The following SLC25A31 variants were observed in gnomAD, a reference collection of about 807,000 sequenced individuals.
SLC25A31 encodes solute carrier family 25 member 31, also known as ADP/ATP translocase 4.
SLC25A31 carries 40 observed loss-of-function variants against 36.2 expected under a neutral mutation model. The observed-to-expected ratio is 1.10, with a 90% confidence interval of 0.86 to 1.44. SLC25A31 has a LOEUF of 1.44. Among genes scored for constraint, SLC25A31 ranks in the 40% most tolerant of loss-of-function variants. The pLI is 0.00. For missense variants in SLC25A31, 350 were observed against 397.1 expected (o/e 0.88, Z 1.01); for synonymous variants, 143 against 149.7 (o/e 0.96, Z 0.32).
chr4:127,772,786 CT>C (rs750539361), intron 5 of SLC25A31, among the ~76,000 whole-genome samples: 89 of 131,376 alleles, frequency 6.8e-4, no homozygotes, highest in East Asian at 4.4e-3. Context: ...TTTTTTTTTT[CT>C]TTTTTTTTTT....
In SLC25A31 at chr4:127,751,415, A is replaced by G. The variant is rs575021868; in HGVS notation, c.360+6616A>G. ...TCCCTTCCTTACACCTTATACAAAA[A>G]TTAATTCAAGATGGATTAAAGACTT... On this transcript the variant is annotated intron_variant, in intron 2 of 5. Transcript: ENST00000281154. Among the ~76,000 whole-genome samples, 581 of 152,342 alleles carry G rather than the reference A, an allele frequency of 3.8e-3. 3 individuals carry two copies. The highest frequency in any genetic ancestry group is 6.8e-3 in the Middle Eastern group (2 of 294).
chr4:127,756,258 T>C (rs1221115141), intron 2 of SLC25A31, among the ~76,000 whole-genome samples: 1 of 152,170 alleles, frequency 6.6e-6, no homozygotes, highest in Non-Finnish European at 1.5e-5. Flanking sequence ...TACTCAGCCT[T>C]ATAGAAGACA....
chr4:127,757,113 G>A (rs1162631631), intron 2 of SLC25A31, among the ~76,000 whole-genome samples: 1 of 152,136 alleles, frequency 6.6e-6, no homozygotes, highest in Non-Finnish European at 1.5e-5. Flanking sequence ...CACATCACAG[G>A]ATATTACTCA....
chr4:127,763,502 G>T (rs766090807), intron 2 of SLC25A31, among the ~76,000 whole-genome samples: 1 of 152,084 alleles, frequency 6.6e-6, no homozygotes, highest in Non-Finnish European at 1.5e-5. Flanking sequence ...CTTTCTTCTC[G>T]CATAAGCACT....
intron 1 of SLC25A31, among the ~76,000 whole-genome samples, chr4:127,733,062 T>C (rs955114801): frequency 3.9e-5 from 6 of 152,224 alleles, no homozygotes; most frequent in African/African-American, 1.4e-4. Flanking sequence ...TCTCTAAGCC[T>C]AGAAATAACT....
rs757295302 is a variant in SLC25A31, at chr4:127,773,599, A to G, written c.*25A>G. ...ATCGGGAGAGTAAATTAAGAAATAC[A>G]TGGATTTAACTTGTTAAACATACAA... On this transcript the variant is annotated 3_prime_UTR_variant, in exon 6 of 6. Transcript: ENST00000281154. 4 of 1,523,130 alleles carry G rather than the reference A, an allele frequency of 2.6e-6. No individual in the cohort carries two copies. The highest frequency in any genetic ancestry group is 2.6e-5 in the South Asian group (2 of 77,512). The allele number at this position is 1,523,130 out of a possible 1,614,324, so 94.4% of individuals were successfully genotyped here.
chr4:127,766,439 T>C (rs571090369), intron 3 of SLC25A31, among the ~76,000 whole-genome samples: 2 of 151,844 alleles, frequency 1.3e-5, no homozygotes, highest in Admixed American at 1.3e-4. Flanking sequence ...GTGCTGGGAT[T>C]ACAGGCATGA....
rs555215338 is a variant in SLC25A31, at chr4:127,773,480, T to A, written c.854T>A (p.Phe285Tyr). The part of the protein sequence containing the change: ...EGISSFFRGA[F>Y]SNVLRGTGGA... ...ATCAGTTCCTTTTTTCGTGGCGCCT[T>A]CTCCAATGTTCTTCGCGGTACAGGG... is the stretch of plus-strand genomic sequence containing the variant. Residue 285 changes from phenylalanine to tyrosine, a missense_variant, in exon 6 of 6, where the codon TTC becomes TAC. Physicochemically the swap from Phe to Tyr is conservative, Grantham distance 22 (BLOSUM62 3). Coordinates refer to ENST00000281154, the MANE Select transcript of SLC25A31 (RefSeq NM_031291.4). The A allele has an allele frequency of 6.2e-7, 1 of 1,614,124 alleles. No homozygotes were observed. The highest frequency in any genetic ancestry group is 1.3e-5 in the African/African-American group (1 of 75,048).
intron 2 of SLC25A31, among the ~76,000 whole-genome samples, chr4:127,746,025 T>G (rs1731820195): frequency 6.6e-6 from 1 of 152,166 alleles, no homozygotes; most frequent in African/African-American, 2.4e-5. Flanking sequence ...TTCTCATCAT[T>G]TAGCTCCCAC....
intron 2 of SLC25A31, among the ~76,000 whole-genome samples, chr4:127,760,077 G>T (rs144507163): frequency 6.6e-6 from 1 of 152,128 alleles, no homozygotes; most frequent in African/African-American, 2.4e-5. Flanking sequence ...ACAAAACTGC[G>T]TGTCACTGAA....
In SLC25A31 at chr4:127,761,886, C is replaced by T. The variant is rs187205913; in HGVS notation, c.361-2357C>T. On this transcript the variant is annotated intron_variant, in intron 2 of 5. Coordinates refer to ENST00000281154, the MANE Select transcript of SLC25A31 (RefSeq NM_031291.4). ...AGTTCCCAAGAAAGAGGCTCTGGCC[C>T]AGCTCATCTTTTTCTACCAGGTTAC... Among the ~76,000 whole-genome samples the T allele has an allele frequency of 7.9e-5, 12 of 152,240 alleles. No homozygotes were observed. In the East Asian group the frequency reaches 2.3e-3, roughly 29 times the overall value.
chr4:127,752,350 A>G (rs1290990243), intron 2 of SLC25A31, among the ~76,000 whole-genome samples: 2 of 151,650 alleles, frequency 1.3e-5, no homozygotes, highest in Non-Finnish European at 2.9e-5. Context: ...GTTCTCACTC[A>G]TAGGTGGGAA....
At chr4:127,757,746 A>G (rs1364644083) in intron 2 of SLC25A31, among the ~76,000 whole-genome samples, 1 of 152,206 alleles carries the variant, frequency 6.6e-6, no homozygotes, top group African/African-American at 2.4e-5. Flanking sequence ...ATTCCCACCA[A>G]CAATGTATAA....
Position 127,744,709 on chromosome 4 carries a change from T to C in SLC25A31, c.270T>C (p.Val90=). 6.2e-7 allele frequency: 1 copy of C among 1,605,792 alleles called. No homozygotes were observed. ...FSFWRGNLAN[V]IRYFPTQALN... is the part of the protein sequence containing the mutation. ...TTTGGCGTGGCAATTTGGCAAATGT[T>C]ATTCGGTATTTTCCAACACAAGCTC... The change falls in exon 2 of 6, where the codon GTT becomes GTC. Residue 90 remains valine (V), a synonymous_variant. Transcript: ENST00000281154.
intron 2 of SLC25A31, among the ~76,000 whole-genome samples, chr4:127,760,136 G>A (rs1481493118): frequency 6.6e-6 from 1 of 152,130 alleles, no homozygotes; most frequent in Non-Finnish European, 1.5e-5. Flanking sequence ...GAATAGGGTA[G>A]GCCTTATCAT....
chr4:127,760,911 C>T (rs1479820950), intron 2 of SLC25A31, among the ~76,000 whole-genome samples: 5 of 152,090 alleles, frequency 3.3e-5, no homozygotes, highest in Non-Finnish European at 5.9e-5. Context: ...TGGTGGCGGG[C>T]GCCTGTAGTC....
intron 5 of SLC25A31, among the ~76,000 whole-genome samples, chr4:127,770,000 T>G (rs974044233): frequency 6.6e-6 from 1 of 152,244 alleles, no homozygotes; most frequent in Non-Finnish European, 1.5e-5. Flanking sequence ...GTACTTTTAC[T>G]CATTAAATTC....
rs140770764 is a variant in SLC25A31, at chr4:127,745,097, G to T, written c.360+298G>T. Among the ~76,000 whole-genome samples the T allele has an allele frequency of 3.7e-3, 559 of 152,154 alleles. 3 individuals are homozygous for T. Among genetic ancestry groups the T allele is most frequent in the Non-Finnish European group, 5.2e-3 (354 of 67,964 alleles). ...CACTGTTTTGCGCTGGGGAAACATG[G>T]CATTTTGTCTGCTTATTTTAAGCGC... On this transcript the variant is annotated intron_variant, in intron 2 of 5. Coordinates refer to ENST00000281154, the MANE Select transcript of SLC25A31 (RefSeq NM_031291.4).
chr4:127,744,851 C>A, intron 2 of SLC25A31, 52 bp downstream of exon 2: 3 of 1,274,288 alleles, frequency 2.4e-6, no homozygotes, highest in Non-Finnish European at 2.1e-6. Flanking sequence ...ATTTTCCATC[C>A]AATATAAATT....
Sources: gnomAD v4.1 joint callset for allele counts (sites outside exome capture counted in the v4.1 genomes callset) on GRCh38, gnomAD v4.1.1 for gene constraint, MANE v1.5 for transcripts, NCBI Gene and HGNC (gene_info 2026-07-23, HGNC 2026-07-21) for gene names.